Variants in ESRRG observed in about 807,000 individuals in gnomAD.
ESRRG encodes estrogen-related receptor gamma.
Under a neutral mutation model 44.0 loss-of-function variants are expected in ESRRG, and 13 were observed. The observed-to-expected ratio is 0.30, with a 90% confidence interval of 0.19 to 0.47. The LOEUF is 0.47. ESRRG is among the 20% of genes least tolerant of loss of function. ESRRG has a pLI of 1.00. For missense variants in ESRRG, 395 were observed against 580.6 expected, an observed-to-expected ratio of 0.68 and a Z score of 3.29; for synonymous variants, 215 against 214.6, an observed-to-expected ratio of 1.00 and a Z score of -0.02.
At chr1:216,788,960 G>A (rs191467451) in intron 2 of ESRRG, among the ~76,000 whole-genome samples, 17 of 152,268 alleles carry the variant, frequency 1.1e-4, no homozygotes, top group Non-Finnish European at 1.0e-4. Context: ...TGAATTGCTG[G>A]AATCTCAGGA....
chr1:216,690,646 A>G (rs1454996707), intron 1 of ESRRG, among the ~76,000 whole-genome samples: 1 of 152,208 alleles, frequency 6.6e-6, no homozygotes, highest in Non-Finnish European at 1.5e-5. Context: ...TGGGTTAAAC[A>G]TAATAACTAT....
At chr1:217,080,125 T>A (rs1051709481) in intron 1 of ESRRG, among the ~76,000 whole-genome samples, 8 of 152,232 alleles carry the variant, frequency 5.3e-5, no homozygotes, top group Non-Finnish European at 1.0e-4. Flanking sequence ...TTTTGCATTA[T>A]TAGATATTAT....
intron 2 of ESRRG, among the ~76,000 whole-genome samples, chr1:216,729,142 A>C (rs553651478): frequency 3.3e-5 from 5 of 152,208 alleles, no homozygotes; most frequent in Non-Finnish European, 7.4e-5. Flanking sequence ...ACAATCTTAT[A>C]GAATTCGTAT....
At chr1:216,721,387 A>T (rs1291882710) in intron 1 of ESRRG, among the ~76,000 whole-genome samples, 1 of 152,250 alleles carries the variant, frequency 6.6e-6, no homozygotes, top group Non-Finnish European at 1.5e-5. Context: ...TAATTGAGAC[A>T]GAGAGGCAGA....
intron 2 of ESRRG, among the ~76,000 whole-genome samples, chr1:216,781,209 C>G (rs976963032): frequency 6.6e-6 from 1 of 151,914 alleles, no homozygotes; most frequent in African/African-American, 2.4e-5. Context: ...ACTCAACAAA[C>G]ATTTATTGAG....
Position 216,651,030 on chromosome 1 carries a change from T to A in ESRRG, c.532A>T (p.Lys178Ter). 6.2e-7 allele frequency: 1 copy of A among 1,613,658 alleles called. No homozygotes were observed. ...NECEITKRRR[K>*]SCQACRFMKC... ...ATGAAGCGGCAAGCCTGGCAGGATT[T>A]ACGTCTGCGCTTTGTGATTTCACAT... is the stretch of plus-strand genomic sequence containing the variant. The change falls in exon 3 of 7, where the codon AAA becomes TAA. Residue 178 changes from lysine to a stop codon, truncating the protein, a stop_gained. Transcript: ENST00000408911. LOFTEE classifies it high-confidence loss of function.
At chr1:216,556,845 C>T (rs1572909637) in intron 5 of ESRRG, among the ~76,000 whole-genome samples, 1 of 152,064 alleles carries the variant, frequency 6.6e-6, no homozygotes, top group South Asian at 2.1e-4. Context: ...GTATCATTAG[C>T]GCACAGGGTC....
intron 5 of ESRRG, among the ~76,000 whole-genome samples, chr1:216,541,651 G>A (rs1178678917): frequency 6.8e-6 from 1 of 147,594 alleles, no homozygotes; most frequent in Admixed American, 6.8e-5. Context: ...TTAAGATGAG[G>A]GACATATAAA....
chr1:216,864,084 G>A (rs2096101367), intron 2 of ESRRG: 1 of 152,172 alleles, frequency 6.6e-6, no homozygotes, highest in Admixed American at 6.6e-5. Flanking sequence ...TGGAGAGACA[G>A]AACATGGGAT....
chr1:217,017,486 A>AT (rs1346391462), intron 1 of ESRRG, among the ~76,000 whole-genome samples: 14 of 145,056 alleles, frequency 9.7e-5, no homozygotes, highest in South Asian at 6.7e-4. Context: ...CTCAAAAAAA[A>AT]AAAAAAAAAA....
intron 2 of ESRRG, among the ~76,000 whole-genome samples, chr1:216,789,478 C>G (rs181622903): frequency 6.6e-6 from 1 of 152,258 alleles, no homozygotes; most frequent in East Asian, 1.9e-4. Flanking sequence ...TAGACCACAG[C>G]ATAGTATAAG....
At chr1:216,726,154 T>C (rs1169088223), upstream of ESRRG, among the ~76,000 whole-genome samples, 1 of 152,174 alleles carries the variant, frequency 6.6e-6, no homozygotes, top group Non-Finnish European at 1.5e-5. Context: ...TCACTAACCA[T>C]ATTTCATCTA....
intron 1 of ESRRG, among the ~76,000 whole-genome samples, chr1:216,988,174 G>T (rs1465050555): frequency 6.6e-6 from 1 of 152,070 alleles, no homozygotes; most frequent in East Asian, 1.9e-4. Flanking sequence ...GAAAGTAAAG[G>T]TACATCTAGA....
intron 2 of ESRRG, among the ~76,000 whole-genome samples, chr1:216,669,220 G>A (rs2074645256): frequency 6.6e-6 from 1 of 152,114 alleles, no homozygotes; most frequent in African/African-American, 2.4e-5. Flanking sequence ...TCTTGAAAAT[G>A]CCTGCTGACC....
At chr1:216,605,765 A>G (rs2059850389) in intron 3 of ESRRG, among the ~76,000 whole-genome samples, 1 of 152,122 alleles carries the variant, frequency 6.6e-6, no homozygotes, top group African/African-American at 2.4e-5. Flanking sequence ...GAGGAACTCT[A>G]ATAAAAATTT....
chr1:216,660,812 A>C (rs760496548), intron 2 of ESRRG, among the ~76,000 whole-genome samples: 5 of 152,142 alleles, frequency 3.3e-5, no homozygotes, highest in Non-Finnish European at 7.4e-5. Flanking sequence ...TCAACACCTC[A>C]AAAAGAAATC....
chr1:216,594,337 A>G (rs2058126220), intron 3 of ESRRG, among the ~76,000 whole-genome samples: 1 of 152,210 alleles, frequency 6.6e-6, no homozygotes, highest in Non-Finnish European at 1.5e-5. Flanking sequence ...AATGAATGTA[A>G]TCTAGAGACA....
chr1:216,996,085 T>C (rs1425705783), intron 1 of ESRRG, among the ~76,000 whole-genome samples: 3 of 152,188 alleles, frequency 2.0e-5, no homozygotes, highest in Non-Finnish European at 4.4e-5. Flanking sequence ...GTTTTAGGCA[T>C]GATCCTACCT....
intron 1 of ESRRG, among the ~76,000 whole-genome samples, chr1:216,696,714 CTG>C: frequency 6.6e-6 from 1 of 152,098 alleles, no homozygotes; most frequent in South Asian, 2.1e-4. Flanking sequence ...CCATGGAAAA[CTG>C]GAGCTAGATA....
Sources: gnomAD v4.1 joint callset for allele counts (sites outside exome capture counted in the v4.1 genomes callset) on GRCh38, gnomAD v4.1.1 for gene constraint, MANE v1.5 for transcripts, NCBI Gene and HGNC (gene_info 2026-07-23, HGNC 2026-07-21) for gene names.